Variants in SPECC1 observed in about 807,000 individuals in gnomAD.
SPECC1 encodes the protein cytospin-B.
A neutral mutation model predicts 104.1 loss-of-function variants in SPECC1; 62 were observed. The observed-to-expected ratio is 0.60, with a 90% confidence interval of 0.49 to 0.74. The LOEUF (loss-of-function observed/expected upper bound fraction) is 0.74. Among genes scored for constraint, SPECC1 ranks in the 30% least tolerant of loss-of-function variants. The pLI, the probability that SPECC1 is intolerant of heterozygous loss-of-function variation, is 0.00. For missense variants in SPECC1, 1,306 were observed against 1,310.5 expected (o/e 1.00, Z 0.05); for synonymous variants, 513 against 501.6 (o/e 1.02, Z -0.30).
At chr17:20,095,569 G>C (rs1279785873) in intron 1 of SPECC1, 1 of 152,312 alleles carries the variant, frequency 6.6e-6, no homozygotes, top group East Asian at 1.9e-4. Context: ...GCAGGATGCT[G>C]CCTGTGGTTC....
chr17:20,062,119 G>A (rs894812838), intron 1 of SPECC1, among the ~76,000 whole-genome samples: 6 of 151,822 alleles, frequency 4.0e-5, no homozygotes, highest in East Asian at 1.9e-4. Context: ...CAGGCATGGC[G>A]GTGGGCACCT....
intron 3 of SPECC1, among the ~76,000 whole-genome samples, chr17:20,123,717 T>A (rs1160904271): frequency 6.6e-6 from 1 of 152,232 alleles, no homozygotes; most frequent in Non-Finnish European, 1.5e-5. Context: ...GTAGGGAGAC[T>A]TGTTTTCTTC....
intron 11 of SPECC1, among the ~76,000 whole-genome samples, chr17:20,258,173 A>T (rs1023908406): frequency 6.6e-6 from 1 of 152,140 alleles, no homozygotes; most frequent in Non-Finnish European, 1.5e-5. Context: ...TTTGTTTCGG[A>T]TTTTGAGGTT....
At chr17:20,162,611 C>T (rs955627313) in intron 3 of SPECC1, among the ~76,000 whole-genome samples, 4 of 152,374 alleles carry the variant, frequency 2.6e-5, no homozygotes, top group African/African-American at 7.2e-5. Flanking sequence ...GTTAATTCTT[C>T]TTAACCCTCC....
At chr17:20,015,180 A>G (rs1019791639) in intron 1 of SPECC1, among the ~76,000 whole-genome samples, 1 of 151,984 alleles carries the variant, frequency 6.6e-6, no homozygotes, top group Admixed American at 6.6e-5. Flanking sequence ...CCTTGCCTCT[A>G]TTCTATTTTC....
intron 12 of SPECC1, among the ~76,000 whole-genome samples, chr17:20,276,731 C>T (rs553020293): frequency 6.6e-6 from 1 of 152,314 alleles, no homozygotes; most frequent in East Asian, 1.9e-4. Context: ...AAGTTTAAAG[C>T]TAGAGTCTGT....
At chr17:20,100,254 C>A (rs776737450) in intron 2 of SPECC1, among the ~76,000 whole-genome samples, 5 of 152,114 alleles carry the variant, frequency 3.3e-5, no homozygotes, top group Non-Finnish European at 5.9e-5. Context: ...AGAAATGTAG[C>A]CCGCCTGACC....
intron 9 of SPECC1, 29 bp from the exon 10 acceptor site, chr17:20,253,476 C>A (rs1378036714): frequency 6.2e-7 from 1 of 1,611,728 alleles, no homozygotes; most frequent in Admixed American, 1.7e-5. Context: ...TATGAGCTCA[C>A]CGTGCTGGTG....
chr17:20,073,638 G>C (rs974672399), intron 1 of SPECC1: 2 of 152,226 alleles, frequency 1.3e-5, no homozygotes, highest in Non-Finnish European at 2.9e-5. Flanking sequence ...ACCCAGAATA[G>C]AGTGGCTGAC....
At chr17:20,051,074 TTCTTTCTTTCTTTCTTTCTTTC>T (rs1365450902) in intron 1 of SPECC1, among the ~76,000 whole-genome samples, 23 of 64,280 alleles carry the variant, frequency 3.6e-4, no homozygotes, top group Non-Finnish European at 4.5e-4. Flanking sequence ...TTCTTTTTCT[TTCTTTCTTTCTTTCTTTCTTTC>T]TTTCTTTCTT....
intron 9 of SPECC1, among the ~76,000 whole-genome samples, chr17:20,250,572 G>GA (rs1359931183): frequency 2.0e-5 from 3 of 152,170 alleles, no homozygotes; most frequent in Non-Finnish European, 2.9e-5. Flanking sequence ...GAGAGTAGTA[G>GA]AAAATCTCAA....
intron 7 of SPECC1, among the ~76,000 whole-genome samples, chr17:20,243,216 G>A (rs2039279481): frequency 1.3e-5 from 2 of 152,172 alleles, no homozygotes; most frequent in South Asian, 4.1e-4. Flanking sequence ...AGCCTTAGAG[G>A]CAGTAGCAAG....
At chr17:20,255,029 C>T (rs543825278) in intron 10 of SPECC1, among the ~76,000 whole-genome samples, 3 of 152,210 alleles carry the variant, frequency 2.0e-5, no homozygotes, top group South Asian at 2.1e-4. Context: ...AAGGCTACAG[C>T]GATTTTGGAT....
chr17:20,245,409 T>A (rs1025265712), intron 7 of SPECC1, among the ~76,000 whole-genome samples: 2 of 152,162 alleles, frequency 1.3e-5, no homozygotes, highest in African/African-American at 4.8e-5. Context: ...TTCCTCTGAT[T>A]CAGGTCCCAC....
Position 20,110,303 on chromosome 17 carries a change from C to T in SPECC1, c.148-124C>T, listed in dbSNP as rs1033277380. The T allele has an allele frequency of 2.5e-6, 3 of 1,192,378 alleles. No individual in the cohort carries two copies. In the East Asian group the frequency reaches 7.2e-5, roughly 29 times the overall value. 73.9% of individuals were successfully genotyped at this position (1,192,378 alleles called of 1,614,324 possible). A position where few individuals can be genotyped will look rare whatever the true frequency, so the allele number is the denominator to read the frequency against. On this transcript the variant is annotated intron_variant, in intron 2 of 14. Transcript: ENST00000395527. ...TTTCACTTCACTCTATCATGCTACTCAAAGTGCTGTTATTGTATCTTGACT... is the reference window on the plus strand; with the variant it reads ...TTTCACTTCACTCTATCATGCTACTTAAAGTGCTGTTATTGTATCTTGACT...
At chr17:20,068,134 A>AT (rs1467159803) in intron 1 of SPECC1, among the ~76,000 whole-genome samples, 2 of 151,942 alleles carry the variant, frequency 1.3e-5, no homozygotes, top group African/African-American at 4.8e-5. Context: ...CCTGGTTTGT[A>AT]TTTTTGGTAG....
At chr17:20,048,008 G>C (rs1282192176) in intron 1 of SPECC1, among the ~76,000 whole-genome samples, 1 of 151,992 alleles carries the variant, frequency 6.6e-6, no homozygotes, top group African/African-American at 2.4e-5. Flanking sequence ...TTCTCCATTG[G>C]TGTCCTTGAC....
At chr17:20,244,543 G>A (rs1373408630) in intron 7 of SPECC1, among the ~76,000 whole-genome samples, 2 of 151,996 alleles carry the variant, frequency 1.3e-5, no homozygotes, top group Admixed American at 6.6e-5. Flanking sequence ...GTAAGGCAGT[G>A]TGGTTTAACT....
chr17:20,168,613 G>C (rs959667913), intron 3 of SPECC1, among the ~76,000 whole-genome samples: 1 of 152,100 alleles, frequency 6.6e-6, no homozygotes, highest in Non-Finnish European at 1.5e-5. Context: ...TAAAAAAATG[G>C]TTATTAAAAA....
Sources: allele counts gnomAD v4.1 joint callset (sites outside exome capture counted in the v4.1 genomes callset), GRCh38; gene constraint gnomAD v4.1.1; transcripts MANE v1.5; gene names NCBI Gene and HGNC (gene_info 2026-07-23, HGNC 2026-07-21).